SAMD5: variants seen among roughly 807,000 people sequenced by gnomAD.
SAMD5 encodes sterile alpha motif domain-containing protein 5.
A neutral mutation model predicts 11.3 loss-of-function variants in SAMD5; 13 were observed. The observed-to-expected ratio is 1.15, with a 90% CI of 0.75 to 1.83. The LOEUF (loss-of-function observed/expected upper bound fraction) is 1.83. SAMD5 is among the 40% of genes most tolerant of loss of function. The pLI, the probability that SAMD5 is intolerant of heterozygous loss-of-function variation, is 0.00. For synonymous variants in SAMD5, 129 were observed against 111.3 expected, an observed-to-expected ratio of 1.16 and a Z score of -1.00; for missense variants, 255 against 239.1, an observed-to-expected ratio of 1.07 and a Z score of -0.44.
intron 1 of SAMD5, among the ~76,000 whole-genome samples, chr6:147,673,323 C>A (rs542808480): frequency 1.6e-4 from 24 of 152,138 alleles, no homozygotes; most frequent in African/African-American, 5.8e-4. Context: ...ACGCCATTCT[C>A]CTGCCTCAGC....
At chr6:147,864,945 A>G in the SAMD5 span, among the ~76,000 whole-genome samples, 1 of 152,210 alleles carries the variant, frequency 6.6e-6, no homozygotes, top group Non-Finnish European at 1.5e-5. Flanking sequence ...AATAGGCTTC[A>G]CCTATGTAAG....
chr6:147,842,630 G>T, the SAMD5 span, among the ~76,000 whole-genome samples: 1 of 152,094 alleles, frequency 6.6e-6, no homozygotes, highest in East Asian at 1.9e-4. Flanking sequence ...AAAAAAATGC[G>T]TCTTTATTTT....
At chr6:147,682,426 A>T (rs1336995654) in intron 1 of SAMD5, among the ~76,000 whole-genome samples, 1 of 152,162 alleles carries the variant, frequency 6.6e-6, no homozygotes, top group Non-Finnish European at 1.5e-5. Flanking sequence ...ATTGGTCCAC[A>T]GTTGGTCCAG....
At chr6:147,950,394 T>C in the SAMD5 span, among the ~76,000 whole-genome samples, 1 of 152,194 alleles carries the variant, frequency 6.6e-6, no homozygotes, top group African/African-American at 2.4e-5. Context: ...CTGGTTCACA[T>C]GTGTGCACTA....
chr6:147,833,960 G>T, the SAMD5 span, among the ~76,000 whole-genome samples: 1 of 152,238 alleles, frequency 6.6e-6, no homozygotes, highest in Non-Finnish European at 1.5e-5. Context: ...AAAGTCCCTG[G>T]TACATTAACT....
the SAMD5 span, among the ~76,000 whole-genome samples, chr6:147,842,159 A>C: frequency 6.6e-6 from 1 of 152,084 alleles, no homozygotes; most frequent in African/African-American, 2.4e-5. Context: ...CAGGGAGAAA[A>C]AATTAACGAC....
chr6:147,831,374 T>A, the SAMD5 span, among the ~76,000 whole-genome samples: 1 of 152,330 alleles, frequency 6.6e-6, no homozygotes, highest in African/African-American at 2.4e-5. Flanking sequence ...AAAAACACTT[T>A]TCCACCCCAA....
the SAMD5 span, among the ~76,000 whole-genome samples, chr6:147,777,645 A>C: frequency 6.6e-6 from 1 of 152,200 alleles, no homozygotes; most frequent in Non-Finnish European, 1.5e-5. Context: ...TATCACCTAA[A>C]ATAGAAACTG....
chr6:147,798,121 G>A, the SAMD5 span, among the ~76,000 whole-genome samples: 1 of 144,380 alleles, frequency 6.9e-6, no homozygotes, highest in East Asian at 2.1e-4. Flanking sequence ...TTTTGAATGT[G>A]TTTGCTCTTG....
At chr6:147,717,717 C>G (rs982387586) in intron 1 of SAMD5, among the ~76,000 whole-genome samples, 3 of 152,188 alleles carry the variant, frequency 2.0e-5, no homozygotes, top group African/African-American at 7.2e-5. Flanking sequence ...TGGTGGGCAC[C>G]TGTAGTCCCA....
the SAMD5 span, among the ~76,000 whole-genome samples, chr6:147,859,206 C>G: frequency 6.6e-6 from 1 of 151,486 alleles, no homozygotes; most frequent in East Asian, 1.9e-4. Context: ...CAGTAATCTA[C>G]TGCCTGAGCC....
chr6:147,896,987 G>T, the SAMD5 span, among the ~76,000 whole-genome samples: 1 of 152,164 alleles, frequency 6.6e-6, no homozygotes, highest in Non-Finnish European at 1.5e-5. Flanking sequence ...GAGGCAAAAA[G>T]TACATCCATG....
At chr6:147,603,765 A>T (rs1789657345) in intron 1 of SAMD5, among the ~76,000 whole-genome samples, 1 of 152,032 alleles carries the variant, frequency 6.6e-6, no homozygotes, top group Admixed American at 6.6e-5. Flanking sequence ...AACAGAGTAC[A>T]CTCATTTCAT....
At chr6:147,632,636 C>T (rs1790168387) in intron 1 of SAMD5, among the ~76,000 whole-genome samples, 1 of 152,174 alleles carries the variant, frequency 6.6e-6, no homozygotes, top group Non-Finnish European at 1.5e-5. Flanking sequence ...GATAAAAAGG[C>T]CACAGGGCGT....
chr6:147,591,488 A>G (rs529252505), intron 1 of SAMD5, among the ~76,000 whole-genome samples: 5 of 152,134 alleles, frequency 3.3e-5, no homozygotes, highest in Non-Finnish European at 2.9e-5. Context: ...TCCCACTTAC[A>G]TACTAAGAAC....
chr6:147,704,186 C>T (rs1054196065), intron 1 of SAMD5, among the ~76,000 whole-genome samples: 7 of 152,118 alleles, frequency 4.6e-5, no homozygotes, highest in Non-Finnish European at 8.8e-5. Context: ...TGAGCCACTG[C>T]GCCTGGCCAT....
chr6:147,951,319 C>T, the SAMD5 span, among the ~76,000 whole-genome samples: 3 of 151,970 alleles, frequency 2.0e-5, no homozygotes, highest in Non-Finnish European at 2.9e-5. Context: ...GTAGCTGGGA[C>T]TACAGGAGCC....
chr6:147,638,797 A>G (rs765256312), intron 1 of SAMD5, among the ~76,000 whole-genome samples: 11 of 152,212 alleles, frequency 7.2e-5, no homozygotes, highest in Non-Finnish European at 1.3e-4. Context: ...TACATGATGA[A>G]CTTCTGGAAT....
the SAMD5 span, among the ~76,000 whole-genome samples, chr6:147,747,000 A>G: frequency 6.6e-6 from 1 of 152,244 alleles, no homozygotes; most frequent in African/African-American, 2.4e-5. Context: ...GTTCAGTAAC[A>G]GTCACAGGCT....
Sources: gnomAD v4.1 joint callset for allele counts (sites outside exome capture counted in the v4.1 genomes callset) on GRCh38, gnomAD v4.1.1 for gene constraint, MANE v1.5 for transcripts, NCBI Gene and HGNC (gene_info 2026-07-23, HGNC 2026-07-21) for gene names.